EHMT1: variants seen among roughly 807,000 people sequenced by gnomAD.
EHMT1 encodes euchromatic histone lysine methyltransferase 1.
Under a neutral mutation model 147.2 loss-of-function variants are expected in EHMT1, and 15 were observed. That is an observed-to-expected ratio of 0.10 (90% CI 0.07 to 0.16). The LOEUF (loss-of-function observed/expected upper bound fraction) is 0.16. Ranked by LOEUF, EHMT1 falls within the 10% of genes least tolerant of loss-of-function variation. EHMT1 has a pLI of 1.00. For missense variants in EHMT1, 1,587 were observed against 1,772.4 expected, an observed-to-expected ratio of 0.90 and a Z score of 1.88; for synonymous variants, 795 against 709.6, an observed-to-expected ratio of 1.12 and a Z score of -1.91.
At chr9:137,722,856 G>A (rs1335919326) in intron 3 of EHMT1, among the ~76,000 whole-genome samples, 1 of 152,214 alleles carries the variant, frequency 6.6e-6, no homozygotes, top group African/African-American at 2.4e-5. Flanking sequence ...GGTGTGCTCT[G>A]TGTCTGTGGT....
rs117183099 is a variant in EHMT1 at position 137,648,766 on chromosome 9, T to C, written c.21+29717T>C. Among the ~76,000 whole-genome samples the C allele has an allele frequency of 3.8e-3, 572 of 152,300 alleles. 7 individuals are homozygous for C. Among genetic ancestry groups the C allele is most frequent in the East Asian group, 0.021 (111 of 5,178 alleles). On this transcript the variant is annotated intron_variant, in intron 1 of 26. Transcript: ENST00000460843. ...TGTAAAAATGCCAACAAGGAATCAT[T>C]CTTAGTCCTGCCTTCCCCTCTCAAA...
chr9:137,720,421 T>A (rs1265007314), intron 3 of EHMT1, among the ~76,000 whole-genome samples: 3 of 152,120 alleles, frequency 2.0e-5, no homozygotes, highest in Non-Finnish European at 4.4e-5. Context: ...CTCCTGCCTC[T>A]GCCTCCTGAG....
chr9:137,737,775 G>A (rs1315480995), intron 4 of EHMT1, among the ~76,000 whole-genome samples: 4 of 152,054 alleles, frequency 2.6e-5, no homozygotes, highest in African/African-American at 9.7e-5. Context: ...CACTGTTAAC[G>A]GAATAAAAAG....
rs142045955 is a variant in EHMT1 at position 137,716,390 on chromosome 9, T to G, written c.86-236T>G. On this transcript the variant is annotated intron_variant, in intron 2 of 26. Transcript: ENST00000460843. ...TGTCATGGTGGGGGAGGAAGTTGTG[T>G]TGGTGTCATGGTGGGGGAGGAAGTT... Among the ~76,000 whole-genome samples, 89 of 19,390 alleles carry G rather than the reference T, an allele frequency of 4.6e-3. 2 individuals are homozygous for G. The highest frequency in any genetic ancestry group is 0.011 in the African/African-American group (31 of 2,742). The allele number at this position is 19,390 out of a possible 152,430, so 12.7% of individuals were successfully genotyped here. A position where few individuals can be genotyped will look rare whatever the true frequency, so the allele number is the denominator to read the frequency against.
At chr9:137,622,709 G>T (rs1843006465) in intron 1 of EHMT1, among the ~76,000 whole-genome samples, 1 of 152,106 alleles carries the variant, frequency 6.6e-6, no homozygotes, top group Non-Finnish European at 1.5e-5. Flanking sequence ...TTTGAGACTA[G>T]CCTGGGCAAC....
rs187477211 is a variant in EHMT1, at chr9:137,748,678, T to G, written c.1171-3653T>G. Among the ~76,000 whole-genome samples, 3 of 152,354 alleles carry G rather than the reference T, an allele frequency of 2.0e-5. No homozygotes were observed. In the East Asian group the frequency reaches 5.8e-4, roughly 29 times the overall value. On this transcript the variant is annotated intron_variant, in intron 6 of 26. Transcript: ENST00000460843. Reference sequence around the variant, plus strand: ...AGTGGCATTACGTTTTCAGTTTAATTTGCATTTTCATGATTTATGAGAAGG... The same window carrying G: ...AGTGGCATTACGTTTTCAGTTTAATGTGCATTTTCATGATTTATGAGAAGG...
rs138446397 is a variant in EHMT1 at position 137,692,604 on chromosome 9, A to G, written c.22-18363A>G. ...TTCCATCAACTTTTTCTTTTTACTTAGAAAGGAGTTTTTAAAACCATAAAA... is the reference window on the plus strand; with the variant it reads ...TTCCATCAACTTTTTCTTTTTACTTGGAAAGGAGTTTTTAAAACCATAAAA... On this transcript the variant is annotated intron_variant, in intron 1 of 26. Transcript: ENST00000460843. Among the ~76,000 whole-genome samples, 994 of 151,994 alleles carry G rather than the reference A, an allele frequency of 6.5e-3. 15 individuals carry two copies. Among genetic ancestry groups the G allele is most frequent in the African/African-American group, 0.023 (938 of 41,404 alleles).
intron 18 of EHMT1, among the ~76,000 whole-genome samples, chr9:137,804,674 T>C (rs1028877912): frequency 1.3e-5 from 2 of 152,246 alleles, no homozygotes; most frequent in African/African-American, 4.8e-5. Flanking sequence ...AAAGATATTC[T>C]CCCACATTTT....
At position 137,719,005 on chromosome 9, in the gene EHMT1, G is replaced by A. The variant is rs979575457; in HGVS notation, c.642+1823G>A. 8.6e-5 allele frequency among the ~76,000 whole-genome samples: 13 copies of A among 151,864 alleles called. 1 individual carries two copies. Among genetic ancestry groups the A allele is most frequent in the Non-Finnish European group, 1.3e-4 (9 of 67,982 alleles). ...TGACCTCAGGTGATCCATGCGCCTC[G>A]GCCTCCCAGAGTGCTGGGATTACAG... On this transcript the variant is annotated intron_variant, in intron 3 of 26. Coordinates refer to ENST00000460843, the MANE Select transcript of EHMT1 (RefSeq NM_024757.5).
intron 18 of EHMT1, among the ~76,000 whole-genome samples, chr9:137,807,754 C>T (rs12338890): frequency 0.14 from 20,973 of 152,136 alleles, 4,745 homozygotes; most frequent in African/African-American, 0.47. Flanking sequence ...GTGATTCCCC[C>T]GCCAAGGTCT....
intron 26 of EHMT1, 124 bp from the exon 27 acceptor site, chr9:137,834,649 C>T (rs1297793972): frequency 2.5e-6 from 4 of 1,595,044 alleles, no homozygotes; most frequent in Non-Finnish European, 2.6e-6. Context: ...GTTCTAAAAA[C>T]TGCGACCTGG....
At chr9:137,712,329 T>C (rs1944816453) in intron 2 of EHMT1, among the ~76,000 whole-genome samples, 1 of 152,180 alleles carries the variant, frequency 6.6e-6, no homozygotes, top group Admixed American at 6.5e-5. Flanking sequence ...CCTGTTCCCT[T>C]ACACACTGCC....
chr9:137,717,026 C>A lies in EHMT1; in HGVS notation c.486C>A (p.Gly162=). The A allele has an allele frequency of 6.2e-7, 1 of 1,606,516 alleles. No individual in the cohort carries two copies. The highest frequency in any genetic ancestry group is 8.5e-7 in the Non-Finnish European group (1 of 1,175,388). The change falls in exon 3 of 27, where the codon GGC becomes GGA. Residue 162 remains glycine (G), a synonymous_variant. Transcript: ENST00000460843. ...CCCTTCCTGGAGGGGCTGGCAAAGG[C>A]AGGACTCCAAGCGCTTTTCCCCAGA... ...AKTLPGGAGK[G]RTPSAFPQTP...
chr9:137,681,943 G>GT lies in EHMT1; in HGVS notation c.22-29017dup, dbSNP rs113188954. 2.6e-3 allele frequency among the ~76,000 whole-genome samples: 390 copies of GT among 151,366 alleles called. 1 individual carries two copies. Among genetic ancestry groups the GT allele is most frequent in the East Asian group, 0.012 (61 of 5,174 alleles). On this transcript the variant is annotated intron_variant, in intron 1 of 26. Coordinates refer to ENST00000460843, the MANE Select transcript of EHMT1 (RefSeq NM_024757.5). ...GTGAAACCGTCCTCGCGGTTTTTGT[G>GT]TTTTTTTGTTTGTTTGTTTGTTTTT...
At chr9:137,817,882 C>T in intron 24 of EHMT1, 178 bp from the exon 25 acceptor site, 1 of 679,632 alleles carries the variant, frequency 1.5e-6, no homozygotes, top group Non-Finnish European at 2.6e-6. Context: ...TATCATCATC[C>T]TCCGGACCCT....
intron 19 of EHMT1, among the ~76,000 whole-genome samples, 175 bp from the exon 20 acceptor site, chr9:137,812,831 G>A (rs1051172871): frequency 6.6e-6 from 1 of 152,250 alleles, no homozygotes; most frequent in African/African-American, 2.4e-5. Flanking sequence ...TCATGTTCCT[G>A]GGTGAGCTAA....
At chr9:137,736,354 A>G (rs762460822) in intron 4 of EHMT1, among the ~76,000 whole-genome samples, 4 of 152,162 alleles carry the variant, frequency 2.6e-5, no homozygotes, top group South Asian at 4.1e-4. Context: ...GAAGGGAGAC[A>G]TAGACAATTC....
In EHMT1 at chr9:137,717,192, T is replaced by C; in HGVS notation, c.642+10T>C. 1 of 1,610,992 alleles carries C rather than the reference T, an allele frequency of 6.2e-7. No homozygotes were observed. The highest frequency in any genetic ancestry group is 8.5e-7 in the Non-Finnish European group (1 of 1,179,944). Reference sequence around the variant, plus strand: ...GTCCGTCGTGGGCCTGGTAATTTTGTGTCTTCTCTTGCTGTTTCCTTTTTC... The same window carrying C: ...GTCCGTCGTGGGCCTGGTAATTTTGCGTCTTCTCTTGCTGTTTCCTTTTTC... On this transcript the variant is annotated intron_variant, in intron 3 of 26. Coordinates refer to ENST00000460843, the MANE Select transcript of EHMT1 (RefSeq NM_024757.5).
chr9:137,810,356 C>T (rs1480656744), intron 18 of EHMT1, among the ~76,000 whole-genome samples: 1 of 152,236 alleles, frequency 6.6e-6, no homozygotes, highest in Non-Finnish European at 1.5e-5. Flanking sequence ...CTGGTGATGA[C>T]GAAGGGTCAG....
Sources: gnomAD v4.1 joint callset for allele counts (sites outside exome capture counted in the v4.1 genomes callset) on GRCh38, gnomAD v4.1.1 for gene constraint, MANE v1.5 for transcripts, NCBI Gene and HGNC (gene_info 2026-07-23, HGNC 2026-07-21) for gene names.